CSMD1: variants seen among roughly 807,000 people sequenced by gnomAD.
CSMD1 encodes the protein CUB and Sushi multiple domains 1, also known as CUB and sushi domain-containing protein 1.
CSMD1 carries 213 observed loss-of-function variants against 417.5 expected under a neutral mutation model. The observed-to-expected ratio is 0.51, with a 90% CI of 0.46 to 0.57. The LOEUF (loss-of-function observed/expected upper bound fraction) is 0.57. CSMD1 is among the 20% of genes least tolerant of loss of function. The probability of loss-of-function intolerance (pLI) is 0.00; values close to 1 mark genes in which losing one functional copy is unlikely to be tolerated. For synonymous variants in CSMD1, 2,862 were observed against 1,736.8 expected, an observed-to-expected ratio of 1.65 and a Z score of -16.11; for missense variants, 6,923 against 4,529.7, an observed-to-expected ratio of 1.53 and a Z score of -15.17.
At chr8:4,506,202 A>C (rs1307953038) in intron 2 of CSMD1, among the ~76,000 whole-genome samples, 1 of 152,134 alleles carries the variant, frequency 6.6e-6, no homozygotes, top group Non-Finnish European at 1.5e-5. Context: ...AAAAATGACA[A>C]TTACTTTTAC....
In CSMD1 at chr8:3,288,876, A is replaced by C. The variant is rs1054218715; in HGVS notation, c.3951-4530T>G. Among the ~76,000 whole-genome samples, 112 of 146,740 alleles carry C rather than the reference A, an allele frequency of 7.6e-4. 19 individuals carry two copies. Among genetic ancestry groups the C allele is most frequent in the African/African-American group, 2.9e-3 (107 of 36,722 alleles). ...GTTTTAGGGTACATGTGCACAACCT[A>C]CAGGTTTGTTGCATATGTATACATG... On this transcript the variant is annotated intron_variant, in intron 25 of 69. Transcript: ENST00000635120.
In CSMD1 at chr8:4,382,467, A is replaced by T. The variant is rs190742180; in HGVS notation, c.415+37486T>A. Among the ~76,000 whole-genome samples, 239 of 152,260 alleles carry T rather than the reference A, an allele frequency of 1.6e-3. 2 individuals carry two copies. Among genetic ancestry groups the T allele is most frequent in the South Asian group, 5.6e-3 (27 of 4,830 alleles). On this transcript the variant is annotated intron_variant, in intron 3 of 69. Coordinates refer to ENST00000635120, the MANE Select transcript of CSMD1 (RefSeq NM_033225.6). Reference sequence around the variant, plus strand: ...GCCTTGTTACTTTATAATATAGACCATTAACTCTACATTCCAACCACCTAA... The same window carrying T: ...GCCTTGTTACTTTATAATATAGACCTTTAACTCTACATTCCAACCACCTAA...
intron 17 of CSMD1, among the ~76,000 whole-genome samples, chr8:3,390,381 G>C (rs1285210938): frequency 1.5e-5 from 2 of 129,496 alleles, no homozygotes; most frequent in Admixed American, 7.8e-5. Context: ...AAAAAAAAAG[G>C]AATTTTGTAG....
chr8:3,069,425 ACT>A (rs1002016287), intron 49 of CSMD1, among the ~76,000 whole-genome samples: 2 of 150,084 alleles, frequency 1.3e-5, no homozygotes, highest in East Asian at 2.0e-4. Context: ...ACAGAGTGAG[ACT>A]CTGTCTGAAA....
Position 3,338,727 on chromosome 8 carries a change from C to G in CSMD1, c.3631+4567G>C, listed in dbSNP as rs542388435. The stretch of plus-strand genomic sequence containing the variant: ...TCCAGAGAAAGGGCTTTATTTTTTT[C>G]TTTTTAAAATAATTGGTACAAAGTT... On this transcript the variant is annotated intron_variant, in intron 23 of 69. Transcript: ENST00000635120. 1.3e-3 allele frequency among the ~76,000 whole-genome samples: 190 copies of G among 151,646 alleles called. 3 individuals carry two copies. Among genetic ancestry groups the G allele is most frequent in the Non-Finnish European group, 2.3e-3 (156 of 67,966 alleles).
At chr8:3,111,219 C>G (rs540266014) in intron 42 of CSMD1, among the ~76,000 whole-genome samples, 1 of 152,038 alleles carries the variant, frequency 6.6e-6, no homozygotes, top group Non-Finnish European at 1.5e-5. Context: ...AACAGATAAA[C>G]AAAAAGAAAA....
At chr8:3,926,092 C>CCATACAT (rs1809673540) in intron 5 of CSMD1, among the ~76,000 whole-genome samples, 1 of 49,508 alleles carries the variant, frequency 2.0e-5, no homozygotes, top group African/African-American at 1.4e-4. Flanking sequence ...TACACACACA[C>CCATACAT]ACACACACAC....
chr8:4,871,543 G>A (rs1283087525), intron 1 of CSMD1, among the ~76,000 whole-genome samples: 1 of 152,036 alleles, frequency 6.6e-6, no homozygotes, highest in Non-Finnish European at 1.5e-5. Flanking sequence ...ACATATTAGT[G>A]TTTTGTTTTT....
intron 1 of CSMD1, among the ~76,000 whole-genome samples, chr8:4,733,387 T>C (rs1810025602): frequency 6.6e-6 from 1 of 152,180 alleles, no homozygotes; most frequent in African/African-American, 2.4e-5. Context: ...TAGTGACTCA[T>C]GCCCAGAATA....
chr8:4,806,662 A>C (rs957491980), intron 1 of CSMD1, among the ~76,000 whole-genome samples: 3 of 152,212 alleles, frequency 2.0e-5, no homozygotes, highest in East Asian at 3.9e-4. Flanking sequence ...CAAAGAAAAG[A>C]AGCATTTGAA....
intron 3 of CSMD1, among the ~76,000 whole-genome samples, chr8:4,302,884 C>T (rs1798053467): frequency 6.6e-6 from 1 of 152,004 alleles, no homozygotes; most frequent in African/African-American, 2.4e-5. Flanking sequence ...ATGTTGGCCT[C>T]CATGCTGATT....
chr8:4,724,417 C>G (rs568134825), intron 1 of CSMD1, among the ~76,000 whole-genome samples: 4 of 151,914 alleles, frequency 2.6e-5, no homozygotes, highest in African/African-American at 9.6e-5. Flanking sequence ...TAAAATCAGA[C>G]TTAAATATAC....
At chr8:3,802,905 A>G (rs1800535575) in intron 5 of CSMD1, among the ~76,000 whole-genome samples, 1 of 152,190 alleles carries the variant, frequency 6.6e-6, no homozygotes, top group Admixed American at 6.5e-5. Context: ...TTGACAAAGG[A>G]AAACAGGAAT....
intron 5 of CSMD1, among the ~76,000 whole-genome samples, chr8:3,862,861 G>C (rs1804811894): frequency 6.6e-6 from 1 of 152,146 alleles, no homozygotes; most frequent in Non-Finnish European, 1.5e-5. Context: ...TTGGTCATTA[G>C]TTTTATGCTA....
intron 1 of CSMD1, among the ~76,000 whole-genome samples, chr8:4,852,344 T>G (rs980251659): frequency 1.3e-5 from 2 of 151,810 alleles, no homozygotes; most frequent in African/African-American, 4.8e-5. Flanking sequence ...AGTGAGAGAG[T>G]TCTTGCAACA....
At chr8:4,547,472 G>A (rs1797687762) in intron 2 of CSMD1, among the ~76,000 whole-genome samples, 1 of 152,154 alleles carries the variant, frequency 6.6e-6, no homozygotes, top group Admixed American at 6.5e-5. Context: ...TTCATTATAT[G>A]CAGCAGCCCA....
chr8:3,630,658 T>G (rs999428629), intron 7 of CSMD1, among the ~76,000 whole-genome samples: 1 of 152,122 alleles, frequency 6.6e-6, no homozygotes, highest in African/African-American at 2.4e-5. Flanking sequence ...CAGATTTCAT[T>G]GCGTTCGAGA....
At chr8:3,133,087 C>CTA (rs1408394088) in intron 41 of CSMD1, among the ~76,000 whole-genome samples, 1 of 152,218 alleles carries the variant, frequency 6.6e-6, no homozygotes, top group African/African-American at 2.4e-5. Context: ...CTGCGTGAGC[C>CTA]TGCATCCTTC....
At chr8:3,679,002 C>A (rs1245492857) in intron 7 of CSMD1, among the ~76,000 whole-genome samples, 4 of 152,118 alleles carry the variant, frequency 2.6e-5, no homozygotes, top group Admixed American at 6.5e-5. Context: ...TTTGCCACCA[C>A]CAGACCTCCC....
Sources: allele counts gnomAD v4.1 joint callset (sites outside exome capture counted in the v4.1 genomes callset), GRCh38; gene constraint gnomAD v4.1.1; transcripts MANE v1.5; gene names NCBI Gene and HGNC (gene_info 2026-07-23, HGNC 2026-07-21).